RARB: variants seen among roughly 807,000 people sequenced by gnomAD.
The protein encoded by RARB is HBV-activated protein.
Under a neutral mutation model 51.9 loss-of-function variants are expected in RARB, and 17 were observed. The ratio of observed to expected loss-of-function variants is 0.33; its 90% CI spans 0.22 to 0.49. RARB has a LOEUF of 0.49. RARB is among the 20% of genes least tolerant of loss of function. The pLI, the probability that RARB is intolerant of heterozygous loss-of-function variation, is 0.99. For synonymous variants in RARB, 215 were observed against 195.4 expected (o/e 1.10, Z -0.84); for missense variants, 369 against 550.8 (o/e 0.67, Z 3.30).
intron 2 of RARB, among the ~76,000 whole-genome samples, chr3:24,929,700 C>CT (rs1695400054): frequency 6.6e-6 from 1 of 152,036 alleles, no homozygotes; most frequent in Non-Finnish European, 1.5e-5. Context: ...TTCCTCTCTA[C>CT]TTTTTATCTG....
chr3:25,135,791 A>G (rs1351004070), intron 4 of RARB, among the ~76,000 whole-genome samples: 1 of 152,042 alleles, frequency 6.6e-6, no homozygotes, highest in Non-Finnish European at 1.5e-5. Flanking sequence ...GTAGAACTAT[A>G]AGGACATATC....
chr3:25,499,672 C>T (rs1697198360), intron 2 of RARB, among the ~76,000 whole-genome samples: 1 of 151,992 alleles, frequency 6.6e-6, no homozygotes, highest in African/African-American at 2.4e-5. Context: ...GTTTAGTAAA[C>T]ACATGCCAAA....
rs1271473851 is a variant in RARB at position 24,925,654 on chromosome 3, T to TAAA, written c.-380+66902_-380+66903insAAA. Among the ~76,000 whole-genome samples, 10 of 126,148 alleles carry TAAA rather than the reference T, an allele frequency of 7.9e-5. No individual in the cohort carries two copies. The East Asian group carries it at 8.1e-4, about 10-fold the overall frequency. 82.8% of individuals were successfully genotyped at this position (126,148 alleles called of 152,430 possible). ...GAGCCAGATCCTGTCTTTTTTTTTT[T>TAAA]TAAAAAAAAAAAAAAAAAAGCTTAT... On this transcript the variant is annotated intron_variant, in intron 2 of 11. Coordinates refer to the RARB transcript ENST00000383772.
chr3:25,596,017 T>A (rs1490759916), intron 7 of RARB, among the ~76,000 whole-genome samples: 2 of 152,240 alleles, frequency 1.3e-5, no homozygotes, highest in East Asian at 3.8e-4. Flanking sequence ...GGAGGCATTG[T>A]TTGCATAATT....
chr3:25,311,669 A>G (rs373721706), intron 5 of RARB, among the ~76,000 whole-genome samples: 6 of 152,232 alleles, frequency 3.9e-5, no homozygotes, highest in Admixed American at 1.3e-4. Flanking sequence ...CTCTGTAACA[A>G]AATGTTCAGA....
intron 5 of RARB, among the ~76,000 whole-genome samples, chr3:25,225,055 T>C (rs544698926): frequency 6.6e-6 from 1 of 152,314 alleles, no homozygotes; most frequent in South Asian, 2.1e-4. Context: ...TAAAACTGAA[T>C]TGTGTTTTAC....
At chr3:25,504,006 C>T (rs1010187044) in intron 3 of RARB, among the ~76,000 whole-genome samples, 2 of 152,202 alleles carry the variant, frequency 1.3e-5, no homozygotes, top group African/African-American at 4.8e-5. Context: ...CATGCCTTCT[C>T]TGAAGTAGCG....
rs562095998 is a variant in RARB at position 25,445,011 on chromosome 3, A to G, written c.157+16123A>G. ...GTCGCCCAGGCTGGAGTGTGGTGGT[A>G]CGATCTCAGGTCAGTGCAACCTCCG... On this transcript the variant is annotated intron_variant, in intron 1 of 7. Transcript: ENST00000330688. Among the ~76,000 whole-genome samples the G allele has an allele frequency of 3.3e-5, 5 of 151,984 alleles. No individual in the cohort carries two copies. In the East Asian group the frequency reaches 9.7e-4, roughly 30 times the overall value.
intron 2 of RARB, among the ~76,000 whole-genome samples, chr3:25,052,887 GA>G (rs140262560): frequency 0.077 from 10,897 of 141,394 alleles, 698 homozygotes; most frequent in East Asian, 0.2. Flanking sequence ...AAAAGTCATA[GA>G]AAAAAAAAAA....
At chr3:24,836,017 A>T (rs1249830031) in intron 1 of RARB, among the ~76,000 whole-genome samples, 1 of 152,204 alleles carries the variant, frequency 6.6e-6, no homozygotes, top group Non-Finnish European at 1.5e-5. Context: ...TTTGGAAAAG[A>T]CTTGAGTGGC....
At chr3:24,974,376 T>C (rs1461871271) in intron 2 of RARB, among the ~76,000 whole-genome samples, 2 of 152,144 alleles carry the variant, frequency 1.3e-5, no homozygotes, top group Non-Finnish European at 2.9e-5. Flanking sequence ...GAATAAGTAT[T>C]AACTTTTAGA....
At chr3:25,097,756 C>T (rs561313882) in intron 3 of RARB, among the ~76,000 whole-genome samples, 3 of 152,276 alleles carry the variant, frequency 2.0e-5, no homozygotes, top group Non-Finnish European at 4.4e-5. Flanking sequence ...CTGCCCTCAC[C>T]TCCTCATTAG....
chr3:25,339,216 T>G (rs1433707329), intron 5 of RARB, among the ~76,000 whole-genome samples: 1 of 152,228 alleles, frequency 6.6e-6, no homozygotes, highest in African/African-American at 2.4e-5. Context: ...AAATGAAGTT[T>G]AGCCTAAAGC....
At chr3:24,977,957 G>T (rs761165746) in intron 2 of RARB, among the ~76,000 whole-genome samples, 60 of 152,218 alleles carry the variant, frequency 3.9e-4, no homozygotes, top group Middle Eastern at 3.4e-3. Context: ...AGAATTTTTA[G>T]CATGAAGTGC....
At chr3:25,395,235 C>A (rs967668974) in intron 5 of RARB, among the ~76,000 whole-genome samples, 1 of 152,168 alleles carries the variant, frequency 6.6e-6, no homozygotes, top group African/African-American at 2.4e-5. Context: ...GGACCCCAAT[C>A]CCTTGTGGCT....
At chr3:25,156,732 G>A (rs1700381595) in intron 4 of RARB, among the ~76,000 whole-genome samples, 1 of 152,130 alleles carries the variant, frequency 6.6e-6, no homozygotes, top group Non-Finnish European at 1.5e-5. Context: ...GTCCAAGGCT[G>A]TATTTTGGCC....
In RARB at chr3:25,421,380, G is replaced by T. The variant is rs570115688; in HGVS notation, c.179-39813G>T. On this transcript the variant is annotated intron_variant, in intron 5 of 11. Transcript: ENST00000383772. ...ACTTCATTTTGTCCTTGCAGACATT[G>T]CACTAACATTTTTTCTTCTTTTCTT... Among the ~76,000 whole-genome samples, 209 of 140,734 alleles carry T rather than the reference G, an allele frequency of 1.5e-3. 1 individual carries two copies. Among genetic ancestry groups the T allele is most frequent in the African/African-American group, 5.3e-3 (199 of 37,234 alleles). 92.3% of individuals were successfully genotyped at this position (140,734 alleles called of 152,430 possible).
At chr3:25,479,352 T>C (rs1230315930) in intron 2 of RARB, among the ~76,000 whole-genome samples, 1 of 152,236 alleles carries the variant, frequency 6.6e-6, no homozygotes, top group Non-Finnish European at 1.5e-5. Context: ...ATGGCTGCTT[T>C]GTAAAATCTC....
intron 2 of RARB, among the ~76,000 whole-genome samples, chr3:24,881,535 C>T (rs1703166930): frequency 1.3e-5 from 2 of 152,102 alleles, no homozygotes; most frequent in South Asian, 4.1e-4. Context: ...TACGACATTT[C>T]AAATCTCTTG....
Sources: allele counts gnomAD v4.1 joint callset (sites outside exome capture counted in the v4.1 genomes callset), GRCh38; gene constraint gnomAD v4.1.1; transcripts MANE v1.5; gene names NCBI Gene and HGNC (gene_info 2026-07-23, HGNC 2026-07-21).